Variants in ZNF658 observed in about 807,000 individuals in gnomAD.
The protein encoded by ZNF658 is zinc finger protein 658.
A neutral mutation model predicts 78.0 loss-of-function variants in ZNF658; 46 were observed. The ratio of observed to expected loss-of-function variants is 0.59; its 90% confidence interval spans 0.47 to 0.75. The LOEUF is 0.75. Ranked by LOEUF, ZNF658 falls within the 30% of genes least tolerant of loss-of-function variation. The probability of loss-of-function intolerance (pLI) is 0.00; values close to 1 mark genes in which losing one functional copy is unlikely to be tolerated. For missense variants in ZNF658, 785 were observed against 1,189.3 expected, an observed-to-expected ratio of 0.66 and a Z score of 5.00; for synonymous variants, 279 against 408.4, an observed-to-expected ratio of 0.68 and a Z score of 3.82.
chr9:66,908,359 C>G lies in ZNF658; in HGVS notation c.137C>G (p.Ser46Ter). The G allele has an allele frequency of 6.2e-7, 1 of 1,614,116 alleles. No individual in the cohort carries two copies. ...VMLENYSHLI[S>*]VGYCITKPKV... ...CTGGAGAACTACAGCCACCTCATCTCAGTGGGTGAGCATAGCTTACCATGG... is the reference window on the plus strand; with the variant it reads ...CTGGAGAACTACAGCCACCTCATCTGAGTGGGTGAGCATAGCTTACCATGG... The change falls in exon 3 of 5, where the codon TCA becomes TGA. Residue 46 changes from serine to a stop codon, truncating the protein, a stop_gained. Coordinates refer to ENST00000621410, the MANE Select transcript of ZNF658 (RefSeq NM_033160.7). LOFTEE classifies it high-confidence loss of function.
chr9:66,908,715 C>A lies in ZNF658; in HGVS notation c.219C>A (p.Phe73Leu), dbSNP rs760135009. 10 of 1,610,594 alleles carry A rather than the reference C, an allele frequency of 6.2e-6. No individual in the cohort carries two copies. The South Asian group carries it at 9.9e-5, about 16-fold the overall frequency. The change falls in exon 4 of 5, where the codon TTC (phenylalanine) becomes TTA (leucine). Residue 73 changes from phenylalanine (F) to leucine (L), a missense_variant. Physicochemically the swap from Phe to Leu is conservative, Grantham distance 22. Around this residue, in one of 12 missense-constraint regions of ZNF658, gnomAD observed 79 missense variants for 96.5 expected, o/e 0.82. Coordinates refer to ENST00000621410, the MANE Select transcript of ZNF658 (RefSeq NM_033160.7). ...AGCCATGGTCTTTAGAAGATGAATTCCTGAACCAGAGGTACCCAGGTGAGT... is the reference window on the plus strand; with the variant it reads ...AGCCATGGTCTTTAGAAGATGAATTACTGAACCAGAGGTACCCAGGTGAGT... Reference protein sequence around the residue: ...GEEPWSLEDEFLNQRYPGYFK... With the variant: ...GEEPWSLEDELLNQRYPGYFK...
At chr9:66,921,515 C>T (rs1032279040), downstream of ZNF658, 937 of 151,180 alleles carry the variant, frequency 6.2e-3, 13 homozygotes, top group African/African-American at 0.021. Flanking sequence ...ATGTACCAAG[C>T]TTCTGTTTTG....
chr9:66,912,937 G>A (rs1333403661), intron 4 of ZNF658, among the ~76,000 whole-genome samples: 1 of 151,740 alleles, frequency 6.6e-6, no homozygotes, highest in East Asian at 2.0e-4. Context: ...AATCCCAGCT[G>A]CTTGGGAGGC....
intron 4 of ZNF658, among the ~76,000 whole-genome samples, chr9:66,915,259 A>G (rs1357303867): frequency 1.3e-5 from 2 of 152,146 alleles, no homozygotes; most frequent in Non-Finnish European, 2.9e-5. Flanking sequence ...GCTCCTTTAG[A>G]AAAAAAGTCT....
At position 66,919,553 on chromosome 9, in the gene ZNF658, T is replaced by C. The variant is rs774574799; in HGVS notation, c.1987T>C (p.Cys663Arg). ...TGEKPYECNE[C>R]GRSFTYNSAL... ...GGAGAAACCCTATGAATGTAATGAA[T>C]GTGGGAGATCTTTCACCTACAATTC... The change falls in exon 5 of 5, where the codon TGT becomes CGT. Residue 663 changes from cysteine (C) to arginine (R), a missense_variant. Coordinates refer to ENST00000621410, the MANE Select transcript of ZNF658 (RefSeq NM_033160.7). 5.0e-6 allele frequency: 8 copies of C among 1,612,508 alleles called. No individual in the cohort carries two copies. Among genetic ancestry groups the C allele is most frequent in the Non-Finnish European group, 5.9e-6 (7 of 1,179,764 alleles).
rs150142262 is a variant in ZNF658 at position 66,918,611 on chromosome 9, G to A, written c.1045G>A (p.Gly349Arg). ...TATAGTACATCAGAAAACACAAGCT[G>A]GAGATAAATTTGGTGAACATAATGA... ...AHIVHQKTQA[G>R]DKFGEHNECT... The change falls in exon 5 of 5, where the codon GGA becomes AGA. Residue 349 changes from glycine (G) to arginine (R), a missense_variant. By Grantham distance (125) the Gly-to-Arg change is moderately radical. This residue lies in a region of ZNF658 where 393 missense variants were observed against 400.2 expected (regional missense o/e 0.98). Transcript: ENST00000621410. 1 of 1,609,794 alleles carries A rather than the reference G, an allele frequency of 6.2e-7. No individual in the cohort carries two copies. The highest frequency in any genetic ancestry group is 1.3e-5 in the African/African-American group (1 of 74,604).
chr9:66,931,601 G>A (rs1053004111), intron 6 of ZNF658, among the ~76,000 whole-genome samples: 31 of 148,100 alleles, frequency 2.1e-4, no homozygotes, highest in Admixed American at 1.3e-3. Context: ...GGACCTTTGC[G>A]TACCTTTTTT....
At chr9:66,907,684 G>C (rs1822110371) in intron 2 of ZNF658, among the ~76,000 whole-genome samples, 3 of 152,258 alleles carry the variant, frequency 2.0e-5, no homozygotes, top group Admixed American at 6.5e-5. Context: ...AGCTGTACAA[G>C]AAAGTATTGT....
Position 66,918,723 on chromosome 9 carries a change from A to C in ZNF658, c.1157A>C (p.His386Pro). The C allele has an allele frequency of 1.2e-6, 2 of 1,613,986 alleles. No homozygotes were observed. Among genetic ancestry groups the C allele is most frequent in the East Asian group, 2.2e-5 (1 of 44,882 alleles). Reference sequence around the variant, plus strand: ...GATAAATTCTACCTTTCTGATGAACATGGGAAATGCAGAAAATCCTTTTAC... The same window carrying C: ...GATAAATTCTACCTTTCTGATGAACCTGGGAAATGCAGAAAATCCTTTTAC... ...TEDKFYLSDE[H>P]GKCRKSFYRK... The change falls in exon 5 of 5, where the codon CAT becomes CCT. Residue 386 changes from histidine (H) to proline (P), a missense_variant. By Grantham distance (77) the His-to-Pro change is moderately conservative. Transcript: ENST00000621410.
chr9:66,927,442 A>T (rs1196416189), intron 6 of ZNF658, among the ~76,000 whole-genome samples: 3 of 152,102 alleles, frequency 2.0e-5, no homozygotes, highest in Non-Finnish European at 4.4e-5. Flanking sequence ...AAAAAGAATG[A>T]ACGTTCTTCA....
chr9:66,917,911 A>G lies in ZNF658; in HGVS notation c.345A>G (p.Gly115=). 4 of 1,610,134 alleles carry G rather than the reference A, an allele frequency of 2.5e-6. No homozygotes were observed. The highest frequency in any genetic ancestry group is 3.4e-6 in the Non-Finnish European group (4 of 1,179,476). ...SDADKTLSKE[G]QKVLEKPFNL... ...CTGACAAAACATTGAGTAAAGAAGG[A>G]CAGAAAGTTTTAGAAAAACCATTTA... Residue 115 remains glycine (G), a synonymous_variant, in exon 5 of 5, where the codon GGA becomes GGG. Coordinates refer to ENST00000621410, the MANE Select transcript of ZNF658 (RefSeq NM_033160.7).
At chr9:66,930,547 C>T (rs143770005) in intron 6 of ZNF658, among the ~76,000 whole-genome samples, 8,525 of 151,578 alleles carry the variant, frequency 0.056, 344 homozygotes, top group Middle Eastern at 0.11. Flanking sequence ...TGGTGGCTCA[C>T]GCCTGTAATC....
At chr9:66,910,757 C>T (rs1200557627) in intron 4 of ZNF658, among the ~76,000 whole-genome samples, 1 of 148,524 alleles carries the variant, frequency 6.7e-6, no homozygotes, top group African/African-American at 2.5e-5. Flanking sequence ...GATAGCACCA[C>T]TGCACTCCGG....
intron 4 of ZNF658, among the ~76,000 whole-genome samples, chr9:66,913,402 G>A (rs1198789890): frequency 6.6e-6 from 1 of 151,204 alleles, no homozygotes; most frequent in Non-Finnish European, 1.5e-5. Flanking sequence ...TCCAGCCTGG[G>A]TGACGAGAGA....
intron 4 of ZNF658, among the ~76,000 whole-genome samples, chr9:66,915,155 G>A (rs894772551): frequency 6.6e-5 from 10 of 151,544 alleles, no homozygotes; most frequent in African/African-American, 2.4e-4. Flanking sequence ...TGCAAACATA[G>A]TTAAAATTTG....
intron 4 of ZNF658, among the ~76,000 whole-genome samples, chr9:66,910,276 C>T (rs1469430310): frequency 6.6e-6 from 1 of 151,966 alleles, no homozygotes; most frequent in Non-Finnish European, 1.5e-5. Context: ...TTCCAGAAAT[C>T]TTAAAAAGTT....
At position 66,918,680 on chromosome 9, in the gene ZNF658, C is replaced by T. The variant is rs774330860; in HGVS notation, c.1114C>T (p.Gln372Ter). 9.9e-6 allele frequency: 16 copies of T among 1,613,736 alleles called. No homozygotes were observed. Among genetic ancestry groups the T allele is most frequent in the Non-Finnish European group, 1.3e-5 (15 of 1,179,860 alleles). ...LYQKLDFTAH[Q>*]RIHTEDKFYL... ...CCAGAAATTAGACTTTACAGCACAT[C>T]AGAGAATTCACACAGAAGATAAATT... Residue 372 changes from glutamine to a stop codon, truncating the protein, a stop_gained, in exon 5 of 5, where the codon CAG becomes TAG. Coordinates refer to ENST00000621410, the MANE Select transcript of ZNF658 (RefSeq NM_033160.7). LOFTEE classifies it high-confidence loss of function.
chr9:66,903,760 A>G (rs1224845565), intron 2 of ZNF658, among the ~76,000 whole-genome samples, 184 bp downstream of exon 2: 1 of 152,170 alleles, frequency 6.6e-6, no homozygotes, highest in African/African-American at 2.4e-5. Context: ...CCGATATTAC[A>G]AATTTACCAA....
rs2118069489 is a variant in ZNF658, at chr9:66,917,839, G to A, written c.273G>A (p.Arg91=). 6.7e-7 allele frequency: 1 copy of A among 1,499,194 alleles called. No individual in the cohort carries two copies. Among genetic ancestry groups the A allele is most frequent in the East Asian group, 2.3e-5 (1 of 43,568 alleles). The allele number at this position is 1,499,194 out of a possible 1,614,324, so 92.9% of individuals were successfully genotyped here. Residue 91 remains arginine, a synonymous_variant, in exon 5 of 5, where the codon CGG becomes CGA. Transcript: ENST00000621410. ...AAGTTGATCACATCAAAGGGATCCG[G>A]GAAAAACAAGAAAAACCTCTGTGGC... ...YFKVDHIKGI[R]EKQEKPLWQE... is the part of the protein sequence containing the mutation.
Sources: allele counts gnomAD v4.1 joint callset (sites outside exome capture counted in the v4.1 genomes callset), GRCh38; gene constraint gnomAD v4.1.1; regional missense constraint gnomAD v4.1.1; transcripts MANE v1.5; gene names NCBI Gene and HGNC (gene_info 2026-07-23, HGNC 2026-07-21).